Variants in GRIN2A observed in about 807,000 individuals in gnomAD.
The protein encoded by GRIN2A is glutamate ionotropic receptor NMDA type subunit 2A, also known as glutamate receptor ionotropic, NMDA 2A.
In GRIN2A, 22 loss-of-function variants were observed where a neutral mutation model predicts 113.4. The ratio of observed to expected loss-of-function variants is 0.19; its 90% CI spans 0.14 to 0.28. The LOEUF (loss-of-function observed/expected upper bound fraction) is 0.28. GRIN2A is among the 10% of genes least tolerant of loss of function. The pLI is 1.00. For missense variants in GRIN2A, 1,502 were observed against 1,887.0 expected (o/e 0.80, Z 3.78); for synonymous variants, 827 against 738.4 (o/e 1.12, Z -1.94).
chr16:10,079,582 C>A (rs1272224195), intron 2 of GRIN2A, among the ~76,000 whole-genome samples: 2 of 152,122 alleles, frequency 1.3e-5, no homozygotes, highest in African/African-American at 2.4e-5. Context: ...AAAGAGGCTC[C>A]AGAGAGATCA....
At chr16:10,095,420 C>G (rs1228993256) in intron 2 of GRIN2A, among the ~76,000 whole-genome samples, 1 of 152,014 alleles carries the variant, frequency 6.6e-6, no homozygotes, top group African/African-American at 2.4e-5. Context: ...TTATAACCCA[C>G]TGTAAAATTA....
At chr16:9,782,917 A>T (rs1391253029) in intron 11 of GRIN2A, among the ~76,000 whole-genome samples, 1 of 152,212 alleles carries the variant, frequency 6.6e-6, no homozygotes, top group Admixed American at 6.5e-5. Context: ...TTATGGTATC[A>T]TCTGGTCACA....
At chr16:9,990,520 G>C (rs369394461) in intron 2 of GRIN2A, among the ~76,000 whole-genome samples, 1 of 149,756 alleles carries the variant, frequency 6.7e-6, no homozygotes, top group Non-Finnish European at 1.5e-5. Flanking sequence ...ACCTGCACAC[G>C]CACCCCCTGA....
At chr16:9,877,336 T>C (rs1027950290) in intron 4 of GRIN2A, among the ~76,000 whole-genome samples, 2 of 152,188 alleles carry the variant, frequency 1.3e-5, no homozygotes, top group African/African-American at 4.8e-5. Flanking sequence ...CTCCTTCCTC[T>C]ACTTGCTTTC....
intron 3 of GRIN2A, among the ~76,000 whole-genome samples, chr16:9,914,798 G>A (rs548670060): frequency 6.7e-6 from 1 of 149,526 alleles, no homozygotes; most frequent in South Asian, 2.2e-4. Flanking sequence ...GAAAGCTGAA[G>A]CATTGTGCTA....
chr16:9,945,229 G>C (rs1263976370), intron 2 of GRIN2A, among the ~76,000 whole-genome samples: 2 of 152,070 alleles, frequency 1.3e-5, no homozygotes, highest in African/African-American at 4.8e-5. Flanking sequence ...GTTCAGGAGT[G>C]GGGTGGAGAG....
At chr16:10,115,696 G>A (rs972701939) in intron 2 of GRIN2A, among the ~76,000 whole-genome samples, 1 of 152,208 alleles carries the variant, frequency 6.6e-6, no homozygotes, top group Non-Finnish European at 1.5e-5. Context: ...GTATTCTCAA[G>A]CTGAAAACAT....
intron 8 of GRIN2A, among the ~76,000 whole-genome samples, chr16:9,831,519 TC>T (rs1214594031): frequency 8.6e-5 from 11 of 127,832 alleles, no homozygotes; most frequent in Non-Finnish European, 1.5e-4. Context: ...CTTTTCTTTT[TC>T]TTTTTTTTTT....
intron 2 of GRIN2A, among the ~76,000 whole-genome samples, chr16:10,101,651 G>C (rs973025922): frequency 6.6e-6 from 1 of 152,112 alleles, no homozygotes; most frequent in Non-Finnish European, 1.5e-5. Flanking sequence ...TTATAAACTT[G>C]GGACAAGAGC....
intron 2 of GRIN2A, among the ~76,000 whole-genome samples, chr16:10,070,028 A>T (rs1001586008): frequency 2.0e-5 from 3 of 152,122 alleles, no homozygotes; most frequent in Non-Finnish European, 2.9e-5. Context: ...CTCTAAGCTC[A>T]ATGACAATGT....
chr16:9,803,809 C>T (rs1197330969), intron 10 of GRIN2A, among the ~76,000 whole-genome samples: 1 of 152,170 alleles, frequency 6.6e-6, no homozygotes, highest in East Asian at 1.9e-4. Flanking sequence ...ACACCAAAGA[C>T]CACTGACATA....
At chr16:10,117,378 T>G (rs189081901) in intron 2 of GRIN2A, among the ~76,000 whole-genome samples, 61 of 152,356 alleles carry the variant, frequency 4.0e-4, no homozygotes, top group African/African-American at 1.3e-3. Flanking sequence ...AATAATCTAC[T>G]GTGGGTGGCG....
intron 2 of GRIN2A, among the ~76,000 whole-genome samples, chr16:10,135,955 T>A (rs143611230): frequency 1.1e-4 from 17 of 152,304 alleles, no homozygotes; most frequent in African/African-American, 4.1e-4. Context: ...TGACAGTTGT[T>A]GCATTCATCA....
At chr16:10,037,860 C>A (rs1363491220) in intron 2 of GRIN2A, among the ~76,000 whole-genome samples, 1 of 152,164 alleles carries the variant, frequency 6.6e-6, no homozygotes, top group East Asian at 1.9e-4. Flanking sequence ...TTCAAGCAAT[C>A]CTCTTGTCTC....
chr16:10,112,571 C>A, intron 2 of GRIN2A: 2 of 772,270 alleles, frequency 2.6e-6, no homozygotes, highest in Non-Finnish European at 4.8e-6. Context: ...GGCCCAGCGG[C>A]GAGTACTTCT....
chr16:9,820,130 ATTT>A (rs1271256162), intron 10 of GRIN2A, among the ~76,000 whole-genome samples: 7 of 152,020 alleles, frequency 4.6e-5, no homozygotes. Context: ...AATGGTTTCC[ATTT>A]CTCTCCTTTT....
intron 2 of GRIN2A, among the ~76,000 whole-genome samples, chr16:9,956,758 C>G (rs1256722596): frequency 6.6e-6 from 1 of 152,088 alleles, no homozygotes; most frequent in Non-Finnish European, 1.5e-5. Context: ...GGAAACAGAA[C>G]AATTTAGATG....
At chr16:9,765,643 C>T (rs1331549989) in intron 12 of GRIN2A, among the ~76,000 whole-genome samples, 2 of 151,908 alleles carry the variant, frequency 1.3e-5, no homozygotes, top group African/African-American at 4.9e-5. Context: ...GAAGCCATTG[C>T]AGTGAAAAGT....
intron 2 of GRIN2A, among the ~76,000 whole-genome samples, chr16:10,114,397 C>T (rs538220364): frequency 3.9e-5 from 6 of 152,080 alleles, no homozygotes; most frequent in African/African-American, 1.4e-4. Context: ...ACCCCAGACT[C>T]GAAGATGCCA....
Sources: gnomAD v4.1 joint callset for allele counts (sites outside exome capture counted in the v4.1 genomes callset) on GRCh38, gnomAD v4.1.1 for gene constraint, MANE v1.5 for transcripts, NCBI Gene and HGNC (gene_info 2026-07-23, HGNC 2026-07-21) for gene names.